The following HCN1 variants were observed in gnomAD, a reference collection of about 807,000 sequenced individuals.
HCN1 encodes potassium/sodium hyperpolarization-activated cyclic nucleotide-gated channel 1.
Under a neutral mutation model 78.9 loss-of-function variants are expected in HCN1, and 13 were observed. The observed-to-expected ratio is 0.16, with a 90% confidence interval of 0.11 to 0.26. The LOEUF is 0.26. Ranked by LOEUF, HCN1 falls within the 10% of genes least tolerant of loss-of-function variation. The probability of loss-of-function intolerance (pLI) is 1.00; values close to 1 mark genes in which losing one functional copy is unlikely to be tolerated. For missense variants in HCN1, 810 were observed against 1,154.3 expected (o/e 0.70, Z 4.32); for synonymous variants, 552 against 455.5 (o/e 1.21, Z -2.70).
intron 7 of HCN1, among the ~76,000 whole-genome samples, chr5:45,264,822 T>G (rs548432081): frequency 6.6e-6 from 1 of 152,316 alleles, no homozygotes; most frequent in Admixed American, 6.5e-5. Context: ...GATCAAAAAT[T>G]CAATTGCTTA....
intron 1 of HCN1, among the ~76,000 whole-genome samples, chr5:45,684,468 T>G (rs987951577): frequency 6.6e-6 from 1 of 152,204 alleles, no homozygotes; most frequent in African/African-American, 2.4e-5. Flanking sequence ...AATATCAAAT[T>G]TATTGTTTAG....
intron 1 of HCN1, among the ~76,000 whole-genome samples, chr5:45,665,767 C>A (rs975321657): frequency 1.3e-5 from 2 of 152,012 alleles, no homozygotes; most frequent in African/African-American, 4.8e-5. Context: ...AAGAGAAATA[C>A]CAACCTATAG....
intron 2 of HCN1, among the ~76,000 whole-genome samples, chr5:45,631,217 C>A (rs1255180018): frequency 6.6e-6 from 1 of 152,206 alleles, no homozygotes; most frequent in Non-Finnish European, 1.5e-5. Flanking sequence ...TGCTATTAAG[C>A]AAATTGCTTC....
intron 2 of HCN1, among the ~76,000 whole-genome samples, chr5:45,468,387 G>T (rs2111643518): frequency 6.6e-6 from 1 of 152,106 alleles, no homozygotes; most frequent in Non-Finnish European, 1.5e-5. Flanking sequence ...TTTAATCCAG[G>T]TGTTCCTTTA....
chr5:45,454,490 TA>T (rs199860309), intron 3 of HCN1, among the ~76,000 whole-genome samples: 68 of 147,454 alleles, frequency 4.6e-4, no homozygotes, highest in African/African-American at 1.4e-3. Flanking sequence ...TAAAAAAAAA[TA>T]AAAAAAAATA....
At chr5:45,331,617 T>C (rs976447156) in intron 5 of HCN1, among the ~76,000 whole-genome samples, 2 of 151,406 alleles carry the variant, frequency 1.3e-5, no homozygotes, top group Non-Finnish European at 3.0e-5. Flanking sequence ...CTAATATTTG[T>C]AGTTTTCTGT....
At chr5:45,409,863 A>G (rs1479342609) in intron 3 of HCN1, among the ~76,000 whole-genome samples, 1 of 151,806 alleles carries the variant, frequency 6.6e-6, no homozygotes, top group East Asian at 1.9e-4. Context: ...ATAATTAAAT[A>G]TATTCAGATT....
intron 4 of HCN1, among the ~76,000 whole-genome samples, chr5:45,374,481 T>C (rs566611277): frequency 1.5e-4 from 23 of 149,538 alleles, no homozygotes; most frequent in Admixed American, 7.6e-4. Context: ...AGACCAATAA[T>C]GAGTTTCAAA....
chr5:45,481,993 A>G (rs1328223155), intron 2 of HCN1, among the ~76,000 whole-genome samples: 1 of 152,112 alleles, frequency 6.6e-6, no homozygotes, highest in African/African-American at 2.4e-5. Flanking sequence ...ACAAAAACAA[A>G]TGTAGTTGGG....
intron 6 of HCN1, among the ~76,000 whole-genome samples, chr5:45,268,569 A>C (rs1457115417): frequency 6.6e-6 from 1 of 152,206 alleles, no homozygotes; most frequent in Non-Finnish European, 1.5e-5. Context: ...CGTTCATTTG[A>C]ATACAATCTG....
chr5:45,383,014 G>A (rs1307978576), intron 4 of HCN1, among the ~76,000 whole-genome samples: 2 of 152,024 alleles, frequency 1.3e-5, no homozygotes, highest in African/African-American at 2.4e-5. Flanking sequence ...CTATATAGGA[G>A]GTTTGTCATA....
intron 3 of HCN1, among the ~76,000 whole-genome samples, chr5:45,429,374 A>G (rs1352251237): frequency 6.6e-6 from 1 of 152,156 alleles, no homozygotes; most frequent in Non-Finnish European, 1.5e-5. Flanking sequence ...AACCGGGGCT[A>G]GATAATCCAC....
At chr5:45,605,425 T>G (rs1744705880) in intron 2 of HCN1, among the ~76,000 whole-genome samples, 1 of 151,922 alleles carries the variant, frequency 6.6e-6, no homozygotes, top group East Asian at 1.9e-4. Flanking sequence ...TGCCAATAAG[T>G]TAAATAATCA....
chr5:45,591,898 T>C (rs1317575179), intron 2 of HCN1, among the ~76,000 whole-genome samples: 4 of 152,214 alleles, frequency 2.6e-5, no homozygotes, highest in African/African-American at 9.6e-5. Context: ...CTATGTTTTC[T>C]TCTAGGAGTT....
chr5:45,378,850 C>A (rs1747744959), intron 4 of HCN1, among the ~76,000 whole-genome samples: 2 of 152,064 alleles, frequency 1.3e-5, no homozygotes, highest in Admixed American at 1.3e-4. Flanking sequence ...TCAATTCCCA[C>A]CTATCAGTGA....
rs147653797 is a variant in HCN1 at position 45,529,183 on chromosome 5, C to A, written c.850-67176G>T. The stretch of plus-strand genomic sequence containing the variant: ...CATATTGTTTTTATCTGGTTCAATG[C>A]ATCCAAGAACACCTTTCCTAAACAT... On this transcript the variant is annotated intron_variant, in intron 2 of 7. Coordinates refer to ENST00000303230, the MANE Select transcript of HCN1 (RefSeq NM_021072.4). 4.7e-4 allele frequency among the ~76,000 whole-genome samples: 72 copies of A among 152,074 alleles called. 1 individual carries two copies. The East Asian group carries it at 0.013, about 28-fold the overall frequency.
intron 2 of HCN1, among the ~76,000 whole-genome samples, chr5:45,519,062 G>A (rs1439573116): frequency 2.0e-5 from 3 of 151,518 alleles, no homozygotes; most frequent in African/African-American, 7.3e-5. Context: ...ACAAAAAGAG[G>A]GCCATCAAAA....
At chr5:45,429,389 A>AAT (rs1283734135) in intron 3 of HCN1, among the ~76,000 whole-genome samples, 6 of 152,126 alleles carry the variant, frequency 3.9e-5, no homozygotes, top group Non-Finnish European at 7.4e-5. Context: ...ATCCACTTCC[A>AAT]ATATATATCC....
intron 4 of HCN1, among the ~76,000 whole-genome samples, chr5:45,390,050 C>T (rs1282107619): frequency 2.0e-5 from 3 of 152,152 alleles, no homozygotes; most frequent in Admixed American, 2.0e-4. Flanking sequence ...ATGTCTCATA[C>T]ATCTCTACCT....
Sources: allele counts gnomAD v4.1 joint callset (sites outside exome capture counted in the v4.1 genomes callset), GRCh38; gene constraint gnomAD v4.1.1; transcripts MANE v1.5; gene names NCBI Gene and HGNC (gene_info 2026-07-23, HGNC 2026-07-21).